Variants in TOGARAM2 observed in about 807,000 individuals in gnomAD.
TOGARAM2 encodes TOG array regulator of axonemal microtubules protein 2.
A neutral mutation model predicts 93.3 loss-of-function variants in TOGARAM2; 85 were observed. That is an observed-to-expected ratio of 0.91 (90% confidence interval 0.76 to 1.09). TOGARAM2 has a LOEUF of 1.09. TOGARAM2 is among the 50% of genes least tolerant of loss of function. The probability of loss-of-function intolerance (pLI) is 0.00; values close to 1 mark genes in which losing one functional copy is unlikely to be tolerated. For missense variants in TOGARAM2, 1,277 were observed against 1,334.5 expected (o/e 0.96, Z 0.67); for synonymous variants, 593 against 552.8 (o/e 1.07, Z -1.02).
intron 1 of TOGARAM2, among the ~76,000 whole-genome samples, chr2:28,992,791 G>A (rs1252948087): frequency 6.6e-6 from 1 of 152,190 alleles, no homozygotes; most frequent in Non-Finnish European, 1.5e-5. Context: ...TGGGTGTGGT[G>A]GCTCATGCCT....
chr2:29,050,446 A>T (rs1055656105), intron 19 of TOGARAM2: 3 of 152,200 alleles, frequency 2.0e-5, no homozygotes, highest in African/African-American at 7.2e-5. Context: ...CGGTAGAAAG[A>T]GTGTGGACTT....
At chr2:29,005,019 A>T (rs1443921984) in intron 6 of TOGARAM2, among the ~76,000 whole-genome samples, 7 of 11,726 alleles carry the variant, frequency 6.0e-4, no homozygotes, top group Admixed American at 2.5e-3. Flanking sequence ...TGTATGTGTG[A>T]GTGCATGTAT....
At chr2:28,981,018 T>G (rs1672161554), upstream of TOGARAM2, among the ~76,000 whole-genome samples, 1 of 152,206 alleles carries the variant, frequency 6.6e-6, no homozygotes, top group Non-Finnish European at 1.5e-5. Flanking sequence ...AGAAGCAGAT[T>G]GAGCCCAGAG....
intron 10 of TOGARAM2, among the ~76,000 whole-genome samples, 184 bp from the exon 11 acceptor site, chr2:29,021,974 T>G (rs1664976645): frequency 6.6e-6 from 1 of 152,148 alleles, no homozygotes; most frequent in African/African-American, 2.4e-5. Context: ...TCATGGCTCC[T>G]GGGGAGGGAG....
intron 1 of TOGARAM2, among the ~76,000 whole-genome samples, chr2:28,988,287 G>C (rs1343662163): frequency 1.3e-5 from 2 of 152,196 alleles, no homozygotes; most frequent in Admixed American, 6.5e-5. Context: ...CTCCGTGACT[G>C]TTCAGAACTT....
chr2:28,973,536 T>G (rs1160265265), intron 1 of TOGARAM2, among the ~76,000 whole-genome samples: 1 of 144,752 alleles, frequency 6.9e-6, no homozygotes, highest in Non-Finnish European at 1.5e-5. Flanking sequence ...CCTGCCTTCT[T>G]TCCTTTGTCA....
At position 29,009,541 on chromosome 2, in the gene TOGARAM2, C is replaced by T. The variant is rs567983157; in HGVS notation, c.831-1914C>T. ...TGAGGATGCAGAGGTGGGGGCGGGG[C>T]GGGATGAATGGCAGGGCTAAGCCAC... On this transcript the variant is annotated intron_variant, in intron 6 of 19. Coordinates refer to ENST00000379558, the MANE Select transcript of TOGARAM2 (RefSeq NM_199280.4). 4.3e-4 allele frequency among the ~76,000 whole-genome samples: 64 copies of T among 148,912 alleles called. 1 individual carries two copies. The highest frequency in any genetic ancestry group is 1.5e-3 in the African/African-American group (60 of 40,108).
At chr2:29,028,187 A>C (rs1237120300) in intron 14 of TOGARAM2, among the ~76,000 whole-genome samples, 1 of 146,628 alleles carries the variant, frequency 6.8e-6, no homozygotes, top group African/African-American at 2.5e-5. Context: ...CCCTCACTCC[A>C]TCCTCGCCCC....
chr2:29,005,152 TTG>T (rs943215435), intron 6 of TOGARAM2, among the ~76,000 whole-genome samples: 5 of 13,284 alleles, frequency 3.8e-4, no homozygotes, highest in East Asian at 1.9e-3. Context: ...TGAGTGCATG[TTG>T]TGTGTGAGTG....
intron 13 of TOGARAM2, among the ~76,000 whole-genome samples, chr2:29,025,903 G>A (rs1433874457): frequency 6.6e-6 from 1 of 152,172 alleles, no homozygotes; most frequent in African/African-American, 2.4e-5. Context: ...GCACAGCAGG[G>A]CAGTGGGGTT....
chr2:28,968,816 A>G (rs1365023359), intron 1 of TOGARAM2, among the ~76,000 whole-genome samples: 2 of 43,622 alleles, frequency 4.6e-5, no homozygotes, highest in East Asian at 1.6e-3. Flanking sequence ...AGACTCTGTC[A>G]AAAAAAAAAA....
chr2:28,993,452 G>A lies in TOGARAM2; in HGVS notation c.-110-1273G>A, dbSNP rs535856052. Among the ~76,000 whole-genome samples, 64 of 152,318 alleles carry A rather than the reference G, an allele frequency of 4.2e-4. 1 individual carries two copies. Among genetic ancestry groups the A allele is most frequent in the Middle Eastern group, 3.4e-3 (1 of 294 alleles). On this transcript the variant is annotated intron_variant, in intron 1 of 19. Coordinates refer to ENST00000379558, the MANE Select transcript of TOGARAM2 (RefSeq NM_199280.4). Reference sequence around the variant, plus strand: ...TTGAGCCTCTTCCCTAGCTCAGGGGGTGAAGTTTGGGGTGTTGGTGCCTGT... The same window carrying A: ...TTGAGCCTCTTCCCTAGCTCAGGGGATGAAGTTTGGGGTGTTGGTGCCTGT...
In TOGARAM2 at chr2:29,023,120, C is replaced by T. The variant is rs757010667; in HGVS notation, c.1546C>T (p.Arg516Cys). ...GGAGAAGGGTCTGGTGAGCATCCAG[C>T]GCTTGGCAGCCTGTCACTCAGAGGT... ...MKEKGLVSIQRLAACHSEVLT... is the reference protein window; with the variant it reads ...MKEKGLVSIQCLAACHSEVLT... The change falls in exon 12 of 20, where the codon CGC (arginine) becomes TGC (cysteine). Residue 516 changes from arginine (R) to cysteine (C), a missense_variant. By Grantham distance (180) the Arg-to-Cys change is radical. Coordinates refer to ENST00000379558, the MANE Select transcript of TOGARAM2 (RefSeq NM_199280.4). The T allele has an allele frequency of 8.7e-6, 14 of 1,600,816 alleles. No homozygotes were observed. The East Asian group carries it at 9.0e-5, about 10-fold the overall frequency.
chr2:29,030,217 G>A (rs184042220), intron 14 of TOGARAM2, among the ~76,000 whole-genome samples: 121 of 152,216 alleles, frequency 7.9e-4, no homozygotes, highest in Admixed American at 1.2e-3. Context: ...CACTGGTTGC[G>A]GTGAGCTGAA....
chr2:29,017,165 C>T lies in TOGARAM2; in HGVS notation c.1056C>T (p.Thr352=). The T allele has an allele frequency of 6.2e-7, 1 of 1,613,074 alleles. No homozygotes were observed. Among genetic ancestry groups the T allele is most frequent in the East Asian group, 2.2e-5 (1 of 44,866 alleles). ...TGACCTTGTGCCAGATCCAAGTCACCATCTCCAAGTCTGCCCGGGAGAAGA... is the reference window on the plus strand; with the variant it reads ...TGACCTTGTGCCAGATCCAAGTCACTATCTCCAAGTCTGCCCGGGAGAAGA... The part of the protein sequence containing the change: ...QKEIGTKIQV[T]ISKSAREKMQ... Residue 352 remains threonine, a synonymous_variant, in exon 9 of 20, where the codon ACC becomes ACT. Coordinates refer to ENST00000379558, the MANE Select transcript of TOGARAM2 (RefSeq NM_199280.4).
intron 19 of TOGARAM2, chr2:29,049,998 C>CACACAAA (rs1666975291): frequency 6.6e-6 from 1 of 152,028 alleles, no homozygotes; most frequent in Non-Finnish European, 1.5e-5. Context: ...CCGTGGGGCT[C>CACACAAA]TAAGGGGAAG....
intron 18 of TOGARAM2, among the ~76,000 whole-genome samples, chr2:29,039,096 C>T (rs560135491): frequency 5.3e-5 from 8 of 152,206 alleles, no homozygotes; most frequent in African/African-American, 1.4e-4. Flanking sequence ...TGCATCAAAT[C>T]GGACGGAAGA....
In TOGARAM2 at chr2:29,033,675, G is replaced by A. The variant is rs114370251; in HGVS notation, c.2225+112G>A. ...GGTGGACATATGGATCTGGGGTATC[G>A]CTGAGACCTAGTTGGGGCTGCAATA... On this transcript the variant is annotated intron_variant, in intron 16 of 19. Transcript: ENST00000379558. 3.8e-3 allele frequency: 3,473 copies of A among 909,154 alleles called. 88 individuals are homozygous for A. In the African/African-American group the frequency reaches 0.05, roughly 13 times the overall value. The allele number at this position is 909,154 out of a possible 1,614,324, so 56.3% of individuals were successfully genotyped here.
At chr2:29,023,257 GCAGC>G in intron 12 of TOGARAM2, 66 bp downstream of exon 12, 1 of 1,352,582 alleles carries the variant, frequency 7.4e-7, no homozygotes, top group Non-Finnish European at 1.0e-6. Flanking sequence ...CAGTCCGCTA[GCAGC>G]TGTGGAGGGG....
Sources: gnomAD v4.1 joint callset for allele counts (sites outside exome capture counted in the v4.1 genomes callset) on GRCh38, gnomAD v4.1.1 for gene constraint, MANE v1.5 for transcripts, NCBI Gene and HGNC (gene_info 2026-07-23, HGNC 2026-07-21) for gene names.